The following MRAP2 variants were observed in gnomAD, a reference collection of about 807,000 sequenced individuals.
MRAP2 encodes the protein melanocortin-2 receptor accessory protein 2.
In MRAP2, 20 loss-of-function variants were observed where a neutral mutation model predicts 17.4. The observed-to-expected ratio is 1.15, with a 90% CI of 0.81 to 1.67. The LOEUF is 1.67. Ranked by LOEUF, MRAP2 falls within the 40% of genes most tolerant of loss-of-function variation. The pLI, the probability that MRAP2 is intolerant of heterozygous loss-of-function variation, is 0.00. For missense variants in MRAP2, 238 were observed against 240.0 expected (o/e 0.99, Z 0.05); for synonymous variants, 96 against 88.4 (o/e 1.09, Z -0.48).
At chr6:84,078,354 C>T (rs1018051696) in intron 3 of MRAP2, among the ~76,000 whole-genome samples, 4 of 152,132 alleles carry the variant, frequency 2.6e-5, no homozygotes, top group African/African-American at 7.2e-5. Flanking sequence ...AGAAGATAAA[C>T]CAATAGCCAA....
chr6:84,080,439 C>T (rs2099498688), intron 3 of MRAP2, among the ~76,000 whole-genome samples: 1 of 152,118 alleles, frequency 6.6e-6, no homozygotes, highest in Non-Finnish European at 1.5e-5. Context: ...ATGAATCATC[C>T]CGTAGTTAAA....
chr6:84,117,795 G>C, the MRAP2 span, among the ~76,000 whole-genome samples: 1 of 152,072 alleles, frequency 6.6e-6, no homozygotes, highest in Non-Finnish European at 1.5e-5. Context: ...CCAGTACCTG[G>C]AGGTATCAGC....
At chr6:84,119,770 T>C in the MRAP2 span, among the ~76,000 whole-genome samples, 1 of 152,204 alleles carries the variant, frequency 6.6e-6, no homozygotes, top group African/African-American at 2.4e-5. Context: ...GTTCATCCCA[T>C]AGACTATCAG....
At chr6:84,084,913 ATTTATTTATTT>A (rs2099499959) in intron 3 of MRAP2, among the ~76,000 whole-genome samples, 1 of 98,700 alleles carries the variant, frequency 1.0e-5, no homozygotes, top group African/African-American at 4.7e-5. Context: ...ATTTTATTTT[ATTTATTTATTT>A]TATTTTACTT....
intron 2 of MRAP2, chr6:84,062,440 C>T (rs1345859529): frequency 4.2e-5 from 29 of 692,600 alleles, no homozygotes; most frequent in South Asian, 1.3e-4. Context: ...GGGAGCTTCC[C>T]GGTTCAAGAA....
chr6:84,123,088 C>A, the MRAP2 span, among the ~76,000 whole-genome samples: 2 of 151,860 alleles, frequency 1.3e-5, no homozygotes, highest in Non-Finnish European at 2.9e-5. Flanking sequence ...CACAAGCAAA[C>A]GGAAATACAT....
At position 84,062,965 on chromosome 6, in the gene MRAP2, T is replaced by C. The variant is rs1251351390; in HGVS notation, c.200T>C (p.Leu67Pro). 1 of 1,614,106 alleles carries C rather than the reference T, an allele frequency of 6.2e-7. No individual in the cohort carries two copies. Among genetic ancestry groups the C allele is most frequent in the Admixed American group, 1.7e-5 (1 of 60,008 alleles). ...VIFMFFVLTL[L>P]TKTGAPHQDN... ...TTTATGTTTTTTGTGCTGACCTTGCTGACCAAGACAGGAGCCCCACACCAA... is the reference window on the plus strand; with the variant it reads ...TTTATGTTTTTTGTGCTGACCTTGCCGACCAAGACAGGAGCCCCACACCAA... Residue 67 changes from leucine (L) to proline (P), a missense_variant, in exon 3 of 4, where the codon CTG (leucine) becomes CCG (proline). By Grantham distance (98) the Leu-to-Pro change is moderately conservative. Transcript: ENST00000257776.
chr6:84,085,890 C>G (rs1316737815), intron 3 of MRAP2, among the ~76,000 whole-genome samples: 1 of 152,136 alleles, frequency 6.6e-6, no homozygotes, highest in East Asian at 1.9e-4. Context: ...AACCAAATCT[C>G]AGATAAAGTC....
the MRAP2 span, among the ~76,000 whole-genome samples, chr6:84,103,941 A>G: frequency 3.3e-5 from 5 of 152,140 alleles, no homozygotes; most frequent in Admixed American, 6.5e-5. Flanking sequence ...CTGCTCCTCT[A>G]TAGTCTACTC....
At chr6:84,069,844 T>C (rs2099495752) in intron 3 of MRAP2, among the ~76,000 whole-genome samples, 1 of 152,184 alleles carries the variant, frequency 6.6e-6, no homozygotes, top group Non-Finnish European at 1.5e-5. Flanking sequence ...TCCAGGAATT[T>C]ATCCATCTCT....
chr6:84,128,847 C>G, the MRAP2 span, among the ~76,000 whole-genome samples: 2 of 151,888 alleles, frequency 1.3e-5, no homozygotes, highest in Non-Finnish European at 2.9e-5. Flanking sequence ...CCCCTAACCC[C>G]CAACCCCCCG....
chr6:84,143,067 C>A, the MRAP2 span, among the ~76,000 whole-genome samples: 16 of 151,964 alleles, frequency 1.1e-4, no homozygotes, highest in East Asian at 2.9e-3. Flanking sequence ...AATTAGTTAC[C>A]CAAATCTCTT....
chr6:84,058,668 G>A (rs1198726516), intron 2 of MRAP2, among the ~76,000 whole-genome samples: 1 of 152,184 alleles, frequency 6.6e-6, no homozygotes, highest in East Asian at 1.9e-4. Flanking sequence ...GTCCAATGCT[G>A]AGCCCTGGGC....
the MRAP2 span, among the ~76,000 whole-genome samples, chr6:84,099,098 C>T: frequency 3.3e-5 from 5 of 149,680 alleles, no homozygotes; most frequent in East Asian, 2.0e-4. Context: ...CATTAAGGTT[C>T]GTGATTCATT....
chr6:84,082,891 G>A (rs1445069817), intron 3 of MRAP2, among the ~76,000 whole-genome samples: 2 of 150,974 alleles, frequency 1.3e-5, no homozygotes, highest in East Asian at 1.9e-4. Flanking sequence ...TTATCAGTAC[G>A]AGCTCACATT....
At chr6:84,106,695 T>A in the MRAP2 span, among the ~76,000 whole-genome samples, 2 of 152,114 alleles carry the variant, frequency 1.3e-5, no homozygotes, top group African/African-American at 2.4e-5. Flanking sequence ...GAAGACAATA[T>A]AACAGGAGTA....
the MRAP2 span, among the ~76,000 whole-genome samples, chr6:84,122,389 A>AGTGGGCTT: frequency 6.6e-6 from 1 of 151,186 alleles, no homozygotes; most frequent in African/African-American, 2.4e-5. Flanking sequence ...ATCATGATCA[A>AGTGGGCTT]GTGGGCTTTA....
chr6:84,137,761 TATG>T, the MRAP2 span, among the ~76,000 whole-genome samples: 1 of 152,124 alleles, frequency 6.6e-6, no homozygotes, highest in Admixed American at 6.5e-5. Flanking sequence ...TTGAAAAATC[TATG>T]ATGAATACTA....
intron 3 of MRAP2, among the ~76,000 whole-genome samples, chr6:84,070,809 T>G (rs1007931929): frequency 1.3e-5 from 2 of 152,226 alleles, no homozygotes; most frequent in African/African-American, 2.4e-5. Flanking sequence ...CCTTTACCAT[T>G]ACATAATATC....
Sources: allele counts gnomAD v4.1 joint callset (sites outside exome capture counted in the v4.1 genomes callset), GRCh38; gene constraint gnomAD v4.1.1; transcripts MANE v1.5; gene names NCBI Gene and HGNC (gene_info 2026-07-23, HGNC 2026-07-21).